Variants in IFT81 observed in about 807,000 individuals in gnomAD.
IFT81 encodes intraflagellar transport 81.
A neutral mutation model predicts 102.6 loss-of-function variants in IFT81; 72 were observed. The observed-to-expected ratio is 0.70, with a 90% confidence interval of 0.58 to 0.85. The LOEUF is 0.85. Ranked by LOEUF, IFT81 falls within the 40% of genes least tolerant of loss-of-function variation. The pLI, the probability that IFT81 is intolerant of heterozygous loss-of-function variation, is 0.00. For synonymous variants in IFT81, 237 were observed against 242.7 expected, an observed-to-expected ratio of 0.98 and a Z score of 0.22; for missense variants, 723 against 787.3, an observed-to-expected ratio of 0.92 and a Z score of 0.98.
intron 11 of IFT81, among the ~76,000 whole-genome samples, chr12:110,174,404 G>A (rs2137491202): frequency 6.9e-6 from 1 of 144,776 alleles, no homozygotes; most frequent in East Asian, 2.0e-4. Flanking sequence ...GCAGTGACCC[G>A]AGATTGCACC....
chr12:110,199,028 C>T (rs1898140765), intron 14 of IFT81, among the ~76,000 whole-genome samples: 1 of 152,072 alleles, frequency 6.6e-6, no homozygotes, highest in Non-Finnish European at 1.5e-5. Flanking sequence ...AGGATGGTCT[C>T]AAACTCCTGA....
chr12:110,190,031 A>G (rs911058425), intron 12 of IFT81, among the ~76,000 whole-genome samples: 1 of 152,158 alleles, frequency 6.6e-6, no homozygotes, highest in Non-Finnish European at 1.5e-5. Context: ...GCTCCTACCT[A>G]GCCTGATCTC....
In IFT81 at chr12:110,165,504, T is replaced by C. The variant is rs75250245; in HGVS notation, c.1188+2439T>C. Among the ~76,000 whole-genome samples the C allele has an allele frequency of 6.9e-3, 1,046 of 152,258 alleles. 1 individual carries two copies. Among genetic ancestry groups the C allele is most frequent in the Non-Finnish European group, 9.4e-3 (642 of 68,014 alleles). On this transcript the variant is annotated intron_variant, in intron 11 of 18. Transcript: ENST00000242591. Reference sequence around the variant, plus strand: ...CAGTTGGTGAGAAGGTATTGATAATTAGTGGCATGGTGTTTGGAAAGAACA... The same window carrying C: ...CAGTTGGTGAGAAGGTATTGATAATCAGTGGCATGGTGTTTGGAAAGAACA...
chr12:110,199,883 C>T (rs957408249), intron 14 of IFT81, among the ~76,000 whole-genome samples: 1 of 152,280 alleles, frequency 6.6e-6, no homozygotes, highest in East Asian at 1.9e-4. Flanking sequence ...GGTGTTAACC[C>T]TTTACTCACA....
intron 10 of IFT81, among the ~76,000 whole-genome samples, chr12:110,151,900 T>G (rs1277509798): frequency 6.6e-6 from 1 of 152,192 alleles, no homozygotes; most frequent in Non-Finnish European, 1.5e-5. Context: ...AGTGAGATCA[T>G]GCACTATTTG....
chr12:110,139,645 G>A (rs1227267079), intron 8 of IFT81, among the ~76,000 whole-genome samples: 1 of 151,080 alleles, frequency 6.6e-6, no homozygotes, highest in Non-Finnish European at 1.5e-5. Context: ...ATGGTGGCGG[G>A]TGCCTGTAGT....
rs375743897 is a variant in IFT81, at chr12:110,127,405, A to G, written c.25A>G (p.Met9Val). 2.2e-5 allele frequency: 35 copies of G among 1,595,218 alleles called. No individual in the cohort carries two copies. In the African/African-American group the frequency reaches 4.6e-4, roughly 21 times the overall value. Residue 9 changes from methionine (M) to valine (V), a missense_variant, in exon 2 of 19, where the codon ATG (methionine) becomes GTG (valine). Met to Val is a conservative substitution (Grantham distance 21). Transcript: ENST00000242591. ...TATGAGTGATCAAATTAAATTCATT[A>G]TGGACAGTCTCAATAAGGAGCCCTT... MSDQIKFI[M>V]DSLNKEPFRK...
chr12:110,202,457 C>CTTTT (rs1472257322), intron 14 of IFT81, among the ~76,000 whole-genome samples: 1 of 144,334 alleles, frequency 6.9e-6, no homozygotes, highest in Non-Finnish European at 1.5e-5. Flanking sequence ...GTGATTCCAC[C>CTTTT]TTTTTTTTTT....
At chr12:110,138,519 G>A (rs1203157096) in intron 8 of IFT81, among the ~76,000 whole-genome samples, 2 of 150,794 alleles carry the variant, frequency 1.3e-5, no homozygotes, top group Admixed American at 6.6e-5. Flanking sequence ...CGCAGCCTCC[G>A]CCTCCCGGGT....
intron 5 of IFT81, among the ~76,000 whole-genome samples, chr12:110,132,970 CTT>C (rs11349893): frequency 2.3e-3 from 289 of 124,842 alleles, no homozygotes; most frequent in African/African-American, 6.3e-3. Flanking sequence ...CTTTCTCTCT[CTT>C]TTTTTTTTTT....
At chr12:110,168,515 T>C in intron 11 of IFT81, 2 of 875,668 alleles carry the variant, frequency 2.3e-6, no homozygotes, top group Non-Finnish European at 2.7e-6. Flanking sequence ...ACGATTATAC[T>C]ACATTAATTT....
chr12:110,173,328 C>G (rs1269415694), intron 11 of IFT81, among the ~76,000 whole-genome samples: 1 of 146,070 alleles, frequency 6.8e-6, no homozygotes, highest in Admixed American at 6.7e-5. Flanking sequence ...CCACCCCGTC[C>G]GGGAGGGAGG....
At chr12:110,133,955 A>G (rs541204164) in intron 5 of IFT81, among the ~76,000 whole-genome samples, 2 of 152,340 alleles carry the variant, frequency 1.3e-5, no homozygotes, top group South Asian at 4.1e-4. Context: ...TATTCGGACA[A>G]ATCATCAGAT....
At chr12:110,199,862 A>C (rs1898185274) in intron 14 of IFT81, among the ~76,000 whole-genome samples, 1 of 152,200 alleles carries the variant, frequency 6.6e-6, no homozygotes, top group African/African-American at 2.4e-5. Context: ...AACCAAGGTC[A>C]TTCTCGGGAT....
In IFT81 at chr12:110,163,008, A is replaced by G; in HGVS notation, c.1131A>G (p.Ser377=). 3 of 1,614,030 alleles carry G rather than the reference A, an allele frequency of 1.9e-6. No homozygotes were observed. Among genetic ancestry groups the G allele is most frequent in the Non-Finnish European group, 2.5e-6 (3 of 1,179,920 alleles). Residue 377 remains serine (S), a synonymous_variant, in exon 11 of 19, where the codon TCA becomes TCG. Coordinates refer to ENST00000242591, the MANE Select transcript of IFT81 (RefSeq NM_014055.4). Reference sequence around the variant, plus strand: ...TAGCCAGCCTAGAGAGAGAAGCATCAGTAAAGAGAAATCAGACCCGTGAAT... The same window carrying G: ...TAGCCAGCCTAGAGAGAGAAGCATCGGTAAAGAGAAATCAGACCCGTGAAT... The part of the protein sequence containing the change: ...EKLASLEREA[S]VKRNQTREFD...
At chr12:110,158,375 CT>C (rs1329944852) in intron 10 of IFT81, among the ~76,000 whole-genome samples, 1 of 152,150 alleles carries the variant, frequency 6.6e-6, no homozygotes, top group Non-Finnish European at 1.5e-5. Context: ...GCCACTGTGC[CT>C]GGCCTGTTTT....
chr12:110,186,345 A>G (rs1355879555), intron 12 of IFT81, among the ~76,000 whole-genome samples: 3 of 152,080 alleles, frequency 2.0e-5, no homozygotes, highest in East Asian at 1.9e-4. Flanking sequence ...TGGTTTTACT[A>G]TGACTTTTCT....
At chr12:110,136,565 A>T (rs1278087159) in intron 7 of IFT81, among the ~76,000 whole-genome samples, 1 of 152,222 alleles carries the variant, frequency 6.6e-6, no homozygotes, top group Non-Finnish European at 1.5e-5. Context: ...CTAAAGAAAA[A>T]TTTGTGAAAA....
chr12:110,129,490 C>T lies in IFT81; in HGVS notation c.429+360C>T, dbSNP rs144612492. Among the ~76,000 whole-genome samples the T allele has an allele frequency of 6.5e-4, 99 of 152,188 alleles. 1 individual carries two copies. In the East Asian group the frequency reaches 0.017, roughly 26 times the overall value. ...TTTATCCAAATTTGAGAGAAACAGACTATCATAACATTTAAACACCAAGAC... is the reference window on the plus strand; with the variant it reads ...TTTATCCAAATTTGAGAGAAACAGATTATCATAACATTTAAACACCAAGAC... On this transcript the variant is annotated intron_variant, in intron 4 of 18. Transcript: ENST00000242591.
Sources: gnomAD v4.1 joint callset for allele counts (sites outside exome capture counted in the v4.1 genomes callset) on GRCh38, gnomAD v4.1.1 for gene constraint, MANE v1.5 for transcripts, NCBI Gene and HGNC (gene_info 2026-07-23, HGNC 2026-07-21) for gene names.